The following PPM1D variants were observed in gnomAD, a reference collection of about 807,000 sequenced individuals.
PPM1D encodes protein phosphatase 1D.
Under a neutral mutation model 58.3 loss-of-function variants are expected in PPM1D, and 52 were observed. The ratio of observed to expected loss-of-function variants is 0.89; its 90% CI spans 0.71 to 1.12. PPM1D has a LOEUF of 1.12. Among genes scored for constraint, PPM1D ranks in the 50% most tolerant of loss-of-function variants. PPM1D has a pLI of 0.00. For missense variants in PPM1D, 564 were observed against 777.2 expected (o/e 0.73, Z 3.26); for synonymous variants, 278 against 285.1 (o/e 0.98, Z 0.25).
At chr17:60,611,573 A>G (rs936282596) in intron 1 of PPM1D, among the ~76,000 whole-genome samples, 1 of 151,756 alleles carries the variant, frequency 6.6e-6, no homozygotes, top group Non-Finnish European at 1.5e-5. Flanking sequence ...CATGTGCTAC[A>G]ATGCCTGACT....
chr17:60,634,861 A>G (rs986527961), intron 3 of PPM1D, among the ~76,000 whole-genome samples: 4 of 151,924 alleles, frequency 2.6e-5, no homozygotes, highest in African/African-American at 4.8e-5. Context: ...GCTCACTGCA[A>G]CCTCTACCTC....
rs764324541 is a variant in PPM1D at position 60,663,595 on chromosome 17, G to A, written c.*43G>A. The A allele has an allele frequency of 1.9e-5, 30 of 1,551,770 alleles. No individual in the cohort carries two copies. The Middle Eastern group carries it at 5.2e-4, about 27-fold the overall frequency. On this transcript the variant is annotated 3_prime_UTR_variant, in exon 6 of 6. Transcript: ENST00000305921. ...AGGTTTTTCCAAACTTAGGATATAA[G>A]AGGGCTTTTTAAATTTGGTGCCGAT...
At chr17:60,634,954 C>T (rs940896463) in intron 3 of PPM1D, among the ~76,000 whole-genome samples, 2 of 151,348 alleles carry the variant, frequency 1.3e-5, no homozygotes, top group Non-Finnish European at 2.9e-5. Flanking sequence ...CTAATTTTTT[C>T]TTTTTTAAGG....
chr17:60,604,956 C>T (rs1276868657), intron 1 of PPM1D, among the ~76,000 whole-genome samples: 2 of 152,158 alleles, frequency 1.3e-5, no homozygotes, highest in Non-Finnish European at 2.9e-5. Context: ...GTAGCTGGGA[C>T]TACAGGCATG....
chr17:60,657,750 T>TTA (rs1177039890), intron 5 of PPM1D, among the ~76,000 whole-genome samples: 1 of 152,216 alleles, frequency 6.6e-6, no homozygotes, highest in Non-Finnish European at 1.5e-5. Context: ...TTCTTTTTTT[T>TTA]GTTTTTGAGA....
rs1203923141 is a variant in PPM1D, at chr17:60,648,775, T to C, written c.1017+693T>C. On this transcript the variant is annotated intron_variant, in intron 4 of 5. Coordinates refer to ENST00000305921, the MANE Select transcript of PPM1D (RefSeq NM_003620.4). ...CACTACTACTTTTTTTTTTTTTTTT[T>C]CTGACTGTCTCAGTGTCTCGCTCTG... 1.1e-4 allele frequency among the ~76,000 whole-genome samples: 16 copies of C among 150,590 alleles called. No individual in the cohort carries two copies. In the South Asian group the frequency reaches 1.3e-3, roughly 12 times the overall value.
At chr17:60,657,017 G>T in intron 5 of PPM1D, 176 bp downstream of exon 5, 2 of 1,535,374 alleles carry the variant, frequency 1.3e-6, no homozygotes, top group Non-Finnish European at 1.7e-6. Context: ...CTGAATGCCA[G>T]CCATGTGTAC....
In PPM1D at chr17:60,626,391, G is replaced by T. The variant is rs567098609; in HGVS notation, c.701+2642G>T. On this transcript the variant is annotated intron_variant, in intron 2 of 5. Transcript: ENST00000305921. ...TGTCTCAATGATGTGTTTTTTTGGGGTTTTTTTTGTTTTTTTTTTTTGAAA... is the reference window on the plus strand; with the variant it reads ...TGTCTCAATGATGTGTTTTTTTGGGTTTTTTTTTGTTTTTTTTTTTTGAAA... Among the ~76,000 whole-genome samples, 426 of 149,278 alleles carry T rather than the reference G, an allele frequency of 2.9e-3. 1 individual carries two copies. The highest frequency in any genetic ancestry group is 7.3e-3 in the African/African-American group (297 of 40,632).
chr17:60,625,388 C>G (rs1273584449), intron 2 of PPM1D, among the ~76,000 whole-genome samples: 1 of 151,974 alleles, frequency 6.6e-6, no homozygotes, highest in Admixed American at 6.6e-5. Context: ...TTGGTACTAC[C>G]TATATAGAAA....
chr17:60,624,392 CCTT>C (rs2030764289), intron 2 of PPM1D, among the ~76,000 whole-genome samples: 2 of 152,148 alleles, frequency 1.3e-5, no homozygotes, highest in Admixed American at 1.3e-4. Context: ...TCTAAATAAT[CCTT>C]CTAACTAAAG....
chr17:60,658,635 C>T (rs1218190489), intron 5 of PPM1D, among the ~76,000 whole-genome samples: 1 of 125,868 alleles, frequency 7.9e-6, no homozygotes, highest in Non-Finnish European at 1.6e-5. Context: ...GCAACAACAG[C>T]AAAACCCCAT....
intron 4 of PPM1D, among the ~76,000 whole-genome samples, chr17:60,651,106 C>G (rs2031335088): frequency 6.6e-6 from 1 of 152,066 alleles, no homozygotes; most frequent in East Asian, 1.9e-4. Context: ...CAGCAGAATT[C>G]TAGTGAGCTG....
At chr17:60,603,548 AG>A (rs1257696612) in intron 1 of PPM1D, among the ~76,000 whole-genome samples, 2 of 152,216 alleles carry the variant, frequency 1.3e-5, no homozygotes, top group Non-Finnish European at 2.9e-5. Flanking sequence ...GAATCACCTG[AG>A]GTCAGGAGTT....
At chr17:60,645,681 T>C (rs2031239333) in intron 3 of PPM1D, among the ~76,000 whole-genome samples, 1 of 145,372 alleles carries the variant, frequency 6.9e-6, no homozygotes, top group Non-Finnish European at 1.5e-5. Context: ...CATATACATA[T>C]ACATATGTAG....
At position 60,648,107 on chromosome 17, in the gene PPM1D, T is replaced by C. The variant is rs779388318; in HGVS notation, c.1017+25T>C. The C allele has an allele frequency of 3.2e-6, 5 of 1,584,210 alleles. No individual in the cohort carries two copies. In the South Asian group the frequency reaches 5.7e-5, roughly 18 times the overall value. ...GGTGAGATGTGATTGAATAACTTGA[T>C]ATTGTTGTCTAAACATTGTTTTGGT... On this transcript the variant is annotated intron_variant, in intron 4 of 5. Transcript: ENST00000305921.
chr17:60,633,014 G>A (rs1435981266), intron 2 of PPM1D, among the ~76,000 whole-genome samples: 1 of 151,812 alleles, frequency 6.6e-6, no homozygotes, highest in Non-Finnish European at 1.5e-5. Context: ...GGGCACGGTG[G>A]CTGACGTCAG....
intron 2 of PPM1D, 71 bp from the exon 3 acceptor site, chr17:60,633,782 T>C (rs1567971137): frequency 2.9e-6 from 4 of 1,372,692 alleles, no homozygotes; most frequent in Non-Finnish European, 4.0e-6. Flanking sequence ...ATTAGTGATT[T>C]AATATACTGA....
intron 2 of PPM1D, among the ~76,000 whole-genome samples, chr17:60,624,288 A>G (rs750454037): frequency 6.6e-6 from 1 of 152,218 alleles, no homozygotes; most frequent in Non-Finnish European, 1.5e-5. Flanking sequence ...CTAAAAATCA[A>G]GAGAGTGAAT....
At chr17:60,641,218 T>C (rs2031127904) in intron 3 of PPM1D, among the ~76,000 whole-genome samples, 1 of 152,216 alleles carries the variant, frequency 6.6e-6, no homozygotes, top group African/African-American at 2.4e-5. Context: ...CCACCAACAG[T>C]GTATAAGCAT....
Sources: gnomAD v4.1 joint callset for allele counts (sites outside exome capture counted in the v4.1 genomes callset) on GRCh38, gnomAD v4.1.1 for gene constraint, MANE v1.5 for transcripts, NCBI Gene and HGNC (gene_info 2026-07-23, HGNC 2026-07-21) for gene names.